CDH13: variants seen among roughly 807,000 people sequenced by gnomAD.
The protein encoded by CDH13 is cadherin-13.
A neutral mutation model predicts 63.8 loss-of-function variants in CDH13; 24 were observed. The observed-to-expected ratio is 0.38, with a 90% CI of 0.27 to 0.53. The LOEUF is 0.53. Ranked by LOEUF, CDH13 falls within the 20% of genes least tolerant of loss-of-function variation. CDH13 has a pLI of 0.85. For synonymous variants in CDH13, 503 were observed against 355.3 expected, an observed-to-expected ratio of 1.42 and a Z score of -4.67; for missense variants, 1,049 against 903.1, an observed-to-expected ratio of 1.16 and a Z score of -2.07.
chr16:83,610,219 C>T (rs990920238), intron 8 of CDH13, among the ~76,000 whole-genome samples: 3 of 152,038 alleles, frequency 2.0e-5, no homozygotes, highest in African/African-American at 7.2e-5. Flanking sequence ...TTTTCTCTCA[C>T]ATCCTAAACA....
At chr16:83,689,848 G>A (rs951707214) in intron 10 of CDH13, among the ~76,000 whole-genome samples, 1 of 152,184 alleles carries the variant, frequency 6.6e-6, no homozygotes, top group Non-Finnish European at 1.5e-5. Context: ...CATACTGGGT[G>A]CTTTTCTAGG....
chr16:83,434,038 G>T lies in CDH13; in HGVS notation c.782-52439G>T, dbSNP rs547290927. ...TCTGATGGACTTTATTTTATAAGGT[G>T]AGAGGTTTCCCAGAAGTGCAGTACA... On this transcript the variant is annotated intron_variant, in intron 6 of 13. Coordinates refer to ENST00000567109, the MANE Select transcript of CDH13 (RefSeq NM_001257.5). Among the ~76,000 whole-genome samples, 7 of 152,256 alleles carry T rather than the reference G, an allele frequency of 4.6e-5. 1 individual carries two copies. In the South Asian group the frequency reaches 1.4e-3, roughly 32 times the overall value.
intron 3 of CDH13, among the ~76,000 whole-genome samples, chr16:83,085,896 T>C (rs953816137): frequency 6.6e-6 from 1 of 152,218 alleles, no homozygotes; most frequent in Non-Finnish European, 1.5e-5. Flanking sequence ...ATTTATTCTT[T>C]AGAATACCTA....
intron 4 of CDH13, among the ~76,000 whole-genome samples, chr16:83,184,932 ATT>A (rs66615885): frequency 6.7e-6 from 1 of 149,954 alleles, no homozygotes; most frequent in African/African-American, 2.5e-5. Context: ...GTAGCAGCTT[ATT>A]TTTTTTCTAT....
intron 2 of CDH13, among the ~76,000 whole-genome samples, chr16:83,011,565 G>A (rs1479345560): frequency 6.6e-6 from 1 of 152,084 alleles, no homozygotes; most frequent in African/African-American, 2.4e-5. Flanking sequence ...TGAGTCAACC[G>A]GGCGGTAAAA....
chr16:83,251,397 G>T (rs1427926052), intron 5 of CDH13, among the ~76,000 whole-genome samples: 1 of 152,166 alleles, frequency 6.6e-6, no homozygotes, highest in Non-Finnish European at 1.5e-5. Flanking sequence ...ATTTTAAAGA[G>T]AAGGCACCTG....
chr16:83,241,627 C>T (rs1031458324), intron 5 of CDH13, among the ~76,000 whole-genome samples: 48 of 152,112 alleles, frequency 3.2e-4, no homozygotes, highest in African/African-American at 1.2e-3. Flanking sequence ...ATTTGTATAA[C>T]TTCCTTGGAG....
chr16:83,596,332 C>T (rs558931770), intron 7 of CDH13, among the ~76,000 whole-genome samples: 1 of 152,156 alleles, frequency 6.6e-6, no homozygotes, highest in Non-Finnish European at 1.5e-5. Context: ...CCTAGGAGTT[C>T]GGGGTTTACC....
chr16:82,727,484 T>C (rs1273591583), intron 1 of CDH13: 1 of 152,158 alleles, frequency 6.6e-6, no homozygotes, highest in Non-Finnish European at 1.5e-5. Context: ...AGGAGAATAT[T>C]CAGGTCTATT....
At chr16:83,599,515 A>G (rs979610566) in intron 7 of CDH13, among the ~76,000 whole-genome samples, 1 of 152,228 alleles carries the variant, frequency 6.6e-6, no homozygotes, top group African/African-American at 2.4e-5. Context: ...CAAACCAAAA[A>G]AATTTTTAAA....
chr16:83,004,927 C>T (rs1913325709), intron 2 of CDH13, among the ~76,000 whole-genome samples: 1 of 152,202 alleles, frequency 6.6e-6, no homozygotes, highest in South Asian at 2.1e-4. Flanking sequence ...TATCCTCATT[C>T]CTACCTCCTG....
intron 1 of CDH13, among the ~76,000 whole-genome samples, chr16:82,785,025 G>C (rs141812133): frequency 8.5e-5 from 13 of 152,226 alleles, no homozygotes; most frequent in Admixed American, 7.8e-4. Context: ...GTGGGGGCCC[G>C]CTCATGGGTG....
intron 6 of CDH13, among the ~76,000 whole-genome samples, chr16:83,408,464 C>T (rs919601529): frequency 6.6e-6 from 1 of 152,138 alleles, no homozygotes; most frequent in Non-Finnish European, 1.5e-5. Context: ...CAAACCTGTA[C>T]GGCTGTTACT....
At chr16:83,077,186 CTTTTTTTTTTT>C (rs34536219) in intron 3 of CDH13, among the ~76,000 whole-genome samples, 1 of 59,144 alleles carries the variant, frequency 1.7e-5, no homozygotes, top group Non-Finnish European at 2.9e-5. Flanking sequence ...TTTTTCTTTT[CTTTTTTTTTTT>C]TTTTTTTTTT....
intron 1 of CDH13, among the ~76,000 whole-genome samples, chr16:82,759,739 T>G (rs2151081691): frequency 6.6e-6 from 1 of 152,150 alleles, no homozygotes; most frequent in African/African-American, 2.4e-5. Context: ...GAATAGAGAA[T>G]GGTCTATAGA....
chr16:82,850,698 G>T (rs1471820572), intron 1 of CDH13, among the ~76,000 whole-genome samples: 2 of 152,100 alleles, frequency 1.3e-5, no homozygotes, highest in African/African-American at 4.8e-5. Context: ...AAACCTCGTT[G>T]TTTTCTTATT....
chr16:83,478,168 A>AG (rs2073658633), intron 6 of CDH13, among the ~76,000 whole-genome samples: 1 of 152,016 alleles, frequency 6.6e-6, no homozygotes, highest in East Asian at 1.9e-4. Flanking sequence ...TCAAAAAAAA[A>AG]AAAAACATCA....
At chr16:83,083,864 C>G (rs995996548) in intron 3 of CDH13, among the ~76,000 whole-genome samples, 2 of 152,166 alleles carry the variant, frequency 1.3e-5, no homozygotes, top group African/African-American at 4.8e-5. Context: ...TTGCCTATCC[C>G]AAGTTATGTT....
chr16:83,206,545 T>C (rs572154588), intron 4 of CDH13, among the ~76,000 whole-genome samples: 1 of 152,342 alleles, frequency 6.6e-6, no homozygotes, highest in South Asian at 2.1e-4. Context: ...TAGGAAAATG[T>C]CGAGATACAT....
Sources: allele counts gnomAD v4.1 joint callset (sites outside exome capture counted in the v4.1 genomes callset), GRCh38; gene constraint gnomAD v4.1.1; transcripts MANE v1.5; gene names NCBI Gene and HGNC (gene_info 2026-07-23, HGNC 2026-07-21).